The following RYR3 variants were observed in gnomAD, a reference collection of about 807,000 sequenced individuals.
RYR3 encodes brain ryanodine receptor-calcium release channel.
RYR3 carries 207 observed loss-of-function variants against 584.3 expected under a neutral mutation model. The ratio of observed to expected loss-of-function variants is 0.35; its 90% CI spans 0.32 to 0.40. RYR3 has a LOEUF of 0.40. Ranked by LOEUF, RYR3 falls within the 10% of genes least tolerant of loss-of-function variation. RYR3 has a pLI of 1.00. For missense variants in RYR3, 5,616 were observed against 6,089.2 expected (o/e 0.92, Z 2.59); for synonymous variants, 2,416 against 2,248.5 (o/e 1.07, Z -2.11).
intron 38 of RYR3, among the ~76,000 whole-genome samples, chr15:33,681,307 C>T (rs1332155111): frequency 6.6e-6 from 1 of 152,230 alleles, no homozygotes; most frequent in East Asian, 1.9e-4. Context: ...TTATCACAAA[C>T]TTAATGGTAC....
chr15:33,453,395 C>A (rs942180962), intron 1 of RYR3, among the ~76,000 whole-genome samples: 1 of 152,138 alleles, frequency 6.6e-6, no homozygotes, highest in African/African-American at 2.4e-5. Context: ...CTAGAACAAT[C>A]TCTGCATAAT....
chr15:33,859,807 T>G, intron 100 of RYR3, 76 bp downstream of exon 100: 2 of 1,441,946 alleles, frequency 1.4e-6, no homozygotes, highest in Non-Finnish European at 1.9e-6. Flanking sequence ...TATGACTTAA[T>G]TGGTTTATGA....
At chr15:33,530,935 A>G (rs185754711) in intron 4 of RYR3, among the ~76,000 whole-genome samples, 193 of 152,268 alleles carry the variant, frequency 1.3e-3, no homozygotes, top group African/African-American at 4.4e-3. Flanking sequence ...TGCTAGACCT[A>G]TAACCCCACC....
intron 1 of RYR3, among the ~76,000 whole-genome samples, chr15:33,344,761 C>T (rs1445919132): frequency 1.3e-5 from 2 of 152,156 alleles, no homozygotes; most frequent in Non-Finnish European, 2.9e-5. Flanking sequence ...AATGAGTTAT[C>T]ACTGCTTCAG....
chr15:33,791,675 C>T (rs1316834120), intron 67 of RYR3, among the ~76,000 whole-genome samples: 3 of 152,098 alleles, frequency 2.0e-5, no homozygotes, highest in Admixed American at 1.3e-4. Flanking sequence ...CAGCCAAATT[C>T]AGCTGTCAGA....
chr15:33,760,871 T>A (rs1349750202), intron 60 of RYR3, among the ~76,000 whole-genome samples: 3 of 152,088 alleles, frequency 2.0e-5, no homozygotes, highest in Non-Finnish European at 4.4e-5. Context: ...TCAGCAAATG[T>A]AAAAGAACAG....
intron 3 of RYR3, among the ~76,000 whole-genome samples, chr15:33,508,294 G>A (rs904692276): frequency 2.0e-5 from 3 of 152,046 alleles, no homozygotes; most frequent in African/African-American, 4.8e-5. Flanking sequence ...TCCAGAACAC[G>A]TAAGATTATG....
chr15:33,757,213 T>C (rs1311082080), intron 59 of RYR3, among the ~76,000 whole-genome samples: 1 of 152,172 alleles, frequency 6.6e-6, no homozygotes, highest in Non-Finnish European at 1.5e-5. Context: ...AGCTGTCTCG[T>C]AGGACTCCTC....
chr15:33,855,962 C>G (rs1446880678), intron 98 of RYR3: 2 of 152,136 alleles, frequency 1.3e-5, no homozygotes, highest in Non-Finnish European at 2.9e-5. Context: ...ATGTCCAAAC[C>G]TTTGTACGGG....
intron 67 of RYR3, among the ~76,000 whole-genome samples, chr15:33,793,604 G>A (rs1200375620): frequency 6.6e-6 from 1 of 152,014 alleles, no homozygotes; most frequent in African/African-American, 2.4e-5. Context: ...CTGGAAACAG[G>A]GGCAAAGACT....
chr15:33,472,646 C>T (rs2049022605), intron 1 of RYR3, among the ~76,000 whole-genome samples: 1 of 152,212 alleles, frequency 6.6e-6, no homozygotes, highest in South Asian at 2.1e-4. Flanking sequence ...TTCCTCTCCA[C>T]CTCAGGGAGG....
chr15:33,682,634 T>C (rs1266570487), intron 38 of RYR3, among the ~76,000 whole-genome samples: 2 of 152,216 alleles, frequency 1.3e-5, no homozygotes, highest in African/African-American at 2.4e-5. Flanking sequence ...AGACATTCTG[T>C]TCAAGAGCAT....
chr15:33,435,925 T>TGCCC (rs2045684613), intron 1 of RYR3, among the ~76,000 whole-genome samples: 2 of 152,260 alleles, frequency 1.3e-5, no homozygotes, highest in Admixed American at 1.3e-4. Context: ...TATTTGACCC[T>TGCCC]GCCCATGTCC....
At chr15:33,799,924 A>G (rs1306689526) in intron 67 of RYR3, among the ~76,000 whole-genome samples, 1 of 108,420 alleles carries the variant, frequency 9.2e-6, no homozygotes, top group Non-Finnish European at 1.9e-5. Flanking sequence ...GCAGAGAAAC[A>G]GTGGGGGTTT....
chr15:33,535,782 G>C (rs1032411812), intron 5 of RYR3, among the ~76,000 whole-genome samples: 104 of 152,172 alleles, frequency 6.8e-4, no homozygotes, highest in African/African-American at 2.4e-3. Flanking sequence ...CTTTTCATCA[G>C]TTTTTAAACT....
intron 43 of RYR3, among the ~76,000 whole-genome samples, chr15:33,708,981 AAGTCAGGGTGGAGCAGGTGATCAGAATG>A (rs2066911041): frequency 2.3e-5 from 3 of 131,162 alleles, no homozygotes; most frequent in Non-Finnish European, 4.6e-5. Context: ...TAATCAGAAT[AAGTCAGGGTGGAGCAGGTGATCAGAATG>A]AGTCAGGGTG....
In RYR3 at chr15:33,768,727, A is replaced by T; in HGVS notation, c.8755+20A>T. On this transcript the variant is annotated intron_variant, in intron 61 of 103. Transcript: ENST00000634891. ...TCTTTGGTAAGTGAAGTGTTGCTCAAGGTACCGCTCCTCCCTGTAATTATC... is the reference window on the plus strand; with the variant it reads ...TCTTTGGTAAGTGAAGTGTTGCTCATGGTACCGCTCCTCCCTGTAATTATC... 6.2e-7 allele frequency: 1 copy of T among 1,611,808 alleles called. No homozygotes were observed. Among genetic ancestry groups the T allele is most frequent in the Non-Finnish European group, 8.5e-7 (1 of 1,177,822 alleles).
Position 33,846,627 on chromosome 15 carries a change from G to A in RYR3, c.13497+1565G>A, listed in dbSNP as rs138968732. On this transcript the variant is annotated intron_variant, in intron 93 of 103. Coordinates refer to ENST00000634891, the MANE Select transcript of RYR3 (RefSeq NM_001036.6). ...CTTTCTTCCCTCAGTGAACTATTGTGTCATGTAGGAAGTCCAGCTACTGTG... is the reference window on the plus strand; with the variant it reads ...CTTTCTTCCCTCAGTGAACTATTGTATCATGTAGGAAGTCCAGCTACTGTG... Among the ~76,000 whole-genome samples the A allele has an allele frequency of 2.8e-3, 428 of 152,196 alleles. 2 individuals are homozygous for A. Among genetic ancestry groups the A allele is most frequent in the African/African-American group, 1.0e-2 (413 of 41,506 alleles).
At chr15:33,772,587 C>G (rs1431002666) in intron 63 of RYR3, among the ~76,000 whole-genome samples, 2 of 152,152 alleles carry the variant, frequency 1.3e-5, no homozygotes, top group Admixed American at 6.5e-5. Flanking sequence ...ATTTCCTTAT[C>G]TGAGCTTTCG....
Sources: gnomAD v4.1 joint callset for allele counts (sites outside exome capture counted in the v4.1 genomes callset) on GRCh38, gnomAD v4.1.1 for gene constraint, MANE v1.5 for transcripts, NCBI Gene and HGNC (gene_info 2026-07-23, HGNC 2026-07-21) for gene names.